The following LINGO2 variants were observed in gnomAD, a reference collection of about 807,000 sequenced individuals.
LINGO2 encodes the protein leucine-rich repeat and immunoglobulin-like domain-containing nogo receptor-interacting protein 2.
LINGO2 carries 14 observed loss-of-function variants against 30.6 expected under a neutral mutation model. That is an observed-to-expected ratio of 0.46 (90% CI 0.30 to 0.72). The LOEUF (loss-of-function observed/expected upper bound fraction) is 0.72, where lower values mean the gene tolerates loss of function less well. Among genes scored for constraint, LINGO2 ranks in the 30% least tolerant of loss-of-function variants. The pLI is 0.07. For synonymous variants in LINGO2, 317 were observed against 288.5 expected (o/e 1.10, Z -1.00); for missense variants, 729 against 751.7 (o/e 0.97, Z 0.35).
intron 4 of LINGO2, among the ~76,000 whole-genome samples, chr9:28,037,956 G>A (rs528959213): frequency 6.6e-6 from 1 of 152,320 alleles, no homozygotes; most frequent in African/African-American, 2.4e-5. Context: ...TAAGGAAGCT[G>A]AGGCATAAAG....
chr9:29,189,415 C>T, the LINGO2 span, among the ~76,000 whole-genome samples: 17 of 145,070 alleles, frequency 1.2e-4, no homozygotes, highest in African/African-American at 3.1e-4. Context: ...ACTTCTCAGA[C>T]GGGGCGGCCG....
chr9:28,789,331 T>C, the LINGO2 span, among the ~76,000 whole-genome samples: 3 of 152,232 alleles, frequency 2.0e-5, no homozygotes, highest in Non-Finnish European at 4.4e-5. Flanking sequence ...AATAGTATCT[T>C]ATTGTCATGA....
chr9:28,789,155 T>A, the LINGO2 span, among the ~76,000 whole-genome samples: 1 of 152,184 alleles, frequency 6.6e-6, no homozygotes, highest in African/African-American at 2.4e-5. Flanking sequence ...ACATTTTTAA[T>A]GTTTTACTTG....
At chr9:28,427,057 A>T (rs6476069) in intron 2 of LINGO2, among the ~76,000 whole-genome samples, 141,265 of 152,150 alleles carry the variant, frequency 0.93, 65,628 homozygotes, top group East Asian at 1. Flanking sequence ...ATCTGGTTTC[A>T]TACCTCTCAG....
chr9:28,318,184 A>C (rs557422599), intron 3 of LINGO2, among the ~76,000 whole-genome samples: 2 of 152,306 alleles, frequency 1.3e-5, no homozygotes, highest in South Asian at 4.2e-4. Flanking sequence ...TTCTGTCCTT[A>C]TAAACACCTA....
At chr9:28,314,934 G>T (rs1405515190) in intron 3 of LINGO2, among the ~76,000 whole-genome samples, 1 of 150,114 alleles carries the variant, frequency 6.7e-6, no homozygotes, top group Non-Finnish European at 1.5e-5. Context: ...GCAGTGAGCC[G>T]AGATGGCGGA....
the LINGO2 span, among the ~76,000 whole-genome samples, chr9:28,998,330 T>C: frequency 2.6e-5 from 4 of 152,260 alleles, no homozygotes; most frequent in Non-Finnish European, 1.5e-5. Flanking sequence ...ATGTGAAATA[T>C]GTGCCATGTG....
chr9:28,767,785 CAA>C, the LINGO2 span, among the ~76,000 whole-genome samples: 7,933 of 96,878 alleles, frequency 0.082, 803 homozygotes, highest in African/African-American at 0.27. Context: ...GACTCCATTT[CAA>C]AAAAAAAAAA....
intron 4 of LINGO2, among the ~76,000 whole-genome samples, chr9:28,045,258 C>T (rs967840437): frequency 4.6e-5 from 7 of 152,156 alleles, no homozygotes; most frequent in Non-Finnish European, 7.4e-5. Context: ...CTGTAAAATA[C>T]GCTCAGTCAC....
intron 4 of LINGO2, among the ~76,000 whole-genome samples, chr9:28,289,252 A>AT (rs1218840069): frequency 1.3e-5 from 2 of 152,200 alleles, no homozygotes; most frequent in Admixed American, 1.3e-4. Context: ...ACTATAATAT[A>AT]TAAATTTTCT....
At chr9:28,883,826 C>T in the LINGO2 span, among the ~76,000 whole-genome samples, 4 of 149,934 alleles carry the variant, frequency 2.7e-5, no homozygotes, top group South Asian at 2.1e-4. Flanking sequence ...TACAGACATG[C>T]GCCACCACAC....
At chr9:28,699,903 CT>C in the LINGO2 span, among the ~76,000 whole-genome samples, 5 of 152,086 alleles carry the variant, frequency 3.3e-5, no homozygotes, top group African/African-American at 1.2e-4. Flanking sequence ...GACGGGTTAT[CT>C]GCTCTTGAAC....
chr9:28,591,656 G>C (rs576400904), intron 1 of LINGO2, among the ~76,000 whole-genome samples: 1 of 152,030 alleles, frequency 6.6e-6, no homozygotes, highest in African/African-American at 2.4e-5. Context: ...GGTTGGGAAC[G>C]CGGCACTGCT....
intron 2 of LINGO2, among the ~76,000 whole-genome samples, chr9:28,380,722 G>C (rs774712277): frequency 7.9e-5 from 12 of 152,086 alleles, no homozygotes; most frequent in Non-Finnish European, 1.2e-4. Flanking sequence ...TATAAACAAA[G>C]TGAAGTTCAG....
chr9:28,092,903 T>C (rs1331857812), intron 4 of LINGO2, among the ~76,000 whole-genome samples: 3 of 152,046 alleles, frequency 2.0e-5, no homozygotes, highest in Non-Finnish European at 4.4e-5. Context: ...TACCAGACAT[T>C]GGACTAAGTG....
the LINGO2 span, among the ~76,000 whole-genome samples, chr9:28,958,253 T>C: frequency 6.6e-6 from 1 of 152,152 alleles, no homozygotes; most frequent in African/African-American, 2.4e-5. Flanking sequence ...TGTAATGATA[T>C]TGACCTCAGC....
At chr9:28,891,331 T>C in the LINGO2 span, among the ~76,000 whole-genome samples, 2 of 152,016 alleles carry the variant, frequency 1.3e-5, no homozygotes, top group Admixed American at 1.3e-4. Flanking sequence ...TAGTAGTACC[T>C]ATCTCATAGT....
the LINGO2 span, among the ~76,000 whole-genome samples, chr9:28,993,321 A>T: frequency 1.3e-5 from 2 of 152,044 alleles, no homozygotes; most frequent in South Asian, 2.1e-4. Context: ...ACCAGGAAAA[A>T]GTTGAATCTC....
intron 3 of LINGO2, among the ~76,000 whole-genome samples, chr9:28,304,653 A>G (rs1268496822): frequency 6.6e-6 from 1 of 152,060 alleles, no homozygotes; most frequent in East Asian, 1.9e-4. Context: ...ACACATTTAT[A>G]TAAGTCTTTT....
Sources: allele counts gnomAD v4.1 joint callset (sites outside exome capture counted in the v4.1 genomes callset), GRCh38; gene constraint gnomAD v4.1.1; transcripts MANE v1.5; gene names NCBI Gene and HGNC (gene_info 2026-07-23, HGNC 2026-07-21).